The following TLN2 variants were observed in gnomAD, a reference collection of about 807,000 sequenced individuals.
TLN2 encodes the protein talin-2.
Under a neutral mutation model 294.7 loss-of-function variants are expected in TLN2, and 118 were observed. The observed-to-expected ratio is 0.40, with a 90% CI of 0.34 to 0.47. The LOEUF is 0.47. Ranked by LOEUF, TLN2 falls within the 20% of genes least tolerant of loss-of-function variation. The pLI is 0.84. For synonymous variants in TLN2, 1,431 were observed against 1,304.5 expected, an observed-to-expected ratio of 1.10 and a Z score of -2.09; for missense variants, 3,083 against 3,282.2, an observed-to-expected ratio of 0.94 and a Z score of 1.48.
chr15:62,497,852 A>G (rs1427571691), intron 1 of TLN2, among the ~76,000 whole-genome samples: 2 of 152,044 alleles, frequency 1.3e-5, no homozygotes, highest in Non-Finnish European at 2.9e-5. Flanking sequence ...TATGTTATAT[A>G]GCATTCTGGC....
chr15:62,493,977 G>GT (rs1260251371), intron 1 of TLN2, among the ~76,000 whole-genome samples: 2 of 151,984 alleles, frequency 1.3e-5, no homozygotes, highest in South Asian at 4.2e-4. Context: ...CTGATGAAGA[G>GT]TTTTTTTTAG....
chr15:62,796,658 G>A (rs1329183509), intron 47 of TLN2, among the ~76,000 whole-genome samples: 1 of 152,150 alleles, frequency 6.6e-6, no homozygotes, highest in Non-Finnish European at 1.5e-5. Flanking sequence ...GGGAAGATAG[G>A]GGCTCAAAGC....
At chr15:62,709,309 G>C (rs1189212353) in intron 21 of TLN2, among the ~76,000 whole-genome samples, 1 of 152,186 alleles carries the variant, frequency 6.6e-6, no homozygotes, top group African/African-American at 2.4e-5. Context: ...AAACAATTTA[G>C]GATTGGCTAG....
At chr15:62,827,764 A>C (rs1044166814) in intron 54 of TLN2, 13 of 152,234 alleles carry the variant, frequency 8.5e-5, no homozygotes, top group Non-Finnish European at 1.6e-4. Flanking sequence ...TGAAAAAAAC[A>C]ATTTTTGATA....
At chr15:62,651,088 A>G (rs946043248) in intron 5 of TLN2, among the ~76,000 whole-genome samples, 5 of 152,218 alleles carry the variant, frequency 3.3e-5, no homozygotes, top group African/African-American at 1.2e-4. Flanking sequence ...TGCAAATAGT[A>G]AAGACATAGA....
chr15:62,668,006 A>G (rs1055815206), intron 9 of TLN2, among the ~76,000 whole-genome samples: 1 of 152,168 alleles, frequency 6.6e-6, no homozygotes, highest in African/African-American at 2.4e-5. Flanking sequence ...AAACATAACA[A>G]AGAACTCAAA....
chr15:62,665,114 C>T (rs537422183), intron 9 of TLN2, among the ~76,000 whole-genome samples: 1 of 152,062 alleles, frequency 6.6e-6, no homozygotes, highest in South Asian at 2.1e-4. Context: ...ACTCTGTCAC[C>T]CAGGCTGGAG....
intron 1 of TLN2, among the ~76,000 whole-genome samples, chr15:62,518,862 T>C (rs2040318001): frequency 6.6e-6 from 1 of 152,192 alleles, no homozygotes; most frequent in African/African-American, 2.4e-5. Flanking sequence ...CCTCCCAAAG[T>C]GCAGGGATTA....
At chr15:62,579,714 AG>A (rs1273894471) in intron 1 of TLN2, among the ~76,000 whole-genome samples, 1 of 152,172 alleles carries the variant, frequency 6.6e-6, no homozygotes, top group Non-Finnish European at 1.5e-5. Flanking sequence ...TACAGATGAC[AG>A]AGTTTCCACT....
chr15:62,740,505 A>C, intron 31 of TLN2, 125 bp from the exon 32 acceptor site: 4 of 1,288,126 alleles, frequency 3.1e-6, no homozygotes, highest in Non-Finnish European at 4.3e-6. Flanking sequence ...CTGCGGGCTA[A>C]CTGGGTTTAA....
chr15:62,405,897 G>C (rs2033368542), intron 1 of TLN2, among the ~76,000 whole-genome samples: 1 of 152,222 alleles, frequency 6.6e-6, no homozygotes, highest in Non-Finnish European at 1.5e-5. Context: ...CTATAGGCTG[G>C]AGACAGCCCA....
At chr15:62,592,745 A>G (rs2046183209) in intron 2 of TLN2, among the ~76,000 whole-genome samples, 1 of 152,226 alleles carries the variant, frequency 6.6e-6, no homozygotes, top group African/African-American at 2.4e-5. Context: ...GAGATCTTGT[A>G]GGGATGAGCA....
At chr15:62,735,225 A>G (rs960956659) in intron 28 of TLN2, among the ~76,000 whole-genome samples, 8 of 152,188 alleles carry the variant, frequency 5.3e-5, no homozygotes, top group African/African-American at 1.9e-4. Flanking sequence ...GCTCTAGGGT[A>G]AGCTGTTCAG....
intron 54 of TLN2, among the ~76,000 whole-genome samples, chr15:62,822,546 G>C (rs748224355): frequency 2.4e-4 from 37 of 152,278 alleles, no homozygotes; most frequent in South Asian, 4.2e-4. Context: ...GCCAGGGTCC[G>C]ACCACTGTCA....
At chr15:62,839,085 C>T (rs558704582) in intron 58 of TLN2, 104 bp downstream of exon 58, 69 of 1,435,316 alleles carry the variant, frequency 4.8e-5, no homozygotes, top group African/African-American at 8.5e-5. Flanking sequence ...ATTTCTTCCT[C>T]GTGTACCAGA....
chr15:62,547,025 A>G lies in TLN2; in HGVS notation c.-237-42662A>G, dbSNP rs181930598. On this transcript the variant is annotated intron_variant, in intron 1 of 58. Transcript: ENST00000636159. ...GTTAATCAGGGAGGAAAGGGGATAAAGAAGCAGTATTGAAACACTGAATCT... is the reference window on the plus strand; with the variant it reads ...GTTAATCAGGGAGGAAAGGGGATAAGGAAGCAGTATTGAAACACTGAATCT... Among the ~76,000 whole-genome samples, 6 of 152,360 alleles carry G rather than the reference A, an allele frequency of 3.9e-5. No individual in the cohort carries two copies. In the East Asian group the frequency reaches 1.2e-3, roughly 29 times the overall value.
chr15:62,826,041 TAAGAA>T (rs2068168022), intron 54 of TLN2, among the ~76,000 whole-genome samples: 1 of 148,426 alleles, frequency 6.7e-6, no homozygotes, highest in African/African-American at 2.5e-5. Context: ...CATAAATAAA[TAAGAA>T]AAGCAAGTAT....
chr15:62,541,514 C>T (rs1049504364), intron 1 of TLN2, among the ~76,000 whole-genome samples: 5 of 152,168 alleles, frequency 3.3e-5, no homozygotes, highest in African/African-American at 1.2e-4. Context: ...CCATCCTGCT[C>T]AGGGAACCAC....
rs770937498 is a variant in TLN2, at chr15:62,761,758, G to T, written c.4716G>T (p.Glu1572Asp). 5 of 1,614,166 alleles carry T rather than the reference G, an allele frequency of 3.1e-6. No homozygotes were observed. In the East Asian group the frequency reaches 1.1e-4, roughly 36 times the overall value. Reference sequence around the variant, plus strand: ...CCGCACCCTTGATTGAAGCTGTGGAGAACCTGACAGCGTTCGCCTCAAACC... The same window carrying T: ...CCGCACCCTTGATTGAAGCTGTGGATAACCTGACAGCGTTCGCCTCAAACC... Reference protein sequence around the residue: ...IATAPLIEAVENLTAFASNPE... With the variant: ...IATAPLIEAVDNLTAFASNPE... The change falls in exon 38 of 59, where the codon GAG (glutamate) becomes GAT (aspartate). Residue 1572 changes from glutamate to aspartate, a missense_variant. Transcript: ENST00000636159.
Sources: allele counts gnomAD v4.1 joint callset (sites outside exome capture counted in the v4.1 genomes callset), GRCh38; gene constraint gnomAD v4.1.1; transcripts MANE v1.5; gene names NCBI Gene and HGNC (gene_info 2026-07-23, HGNC 2026-07-21).